The following SHISA9 variants were observed in gnomAD, a reference collection of about 807,000 sequenced individuals.
SHISA9 encodes shisa family member 9.
SHISA9 carries 13 observed loss-of-function variants against 38.0 expected under a neutral mutation model. The ratio of observed to expected loss-of-function variants is 0.34; its 90% CI spans 0.22 to 0.54. The LOEUF (loss-of-function observed/expected upper bound fraction) is 0.54. Ranked by LOEUF, SHISA9 falls within the 20% of genes least tolerant of loss-of-function variation. The pLI is 0.91. For missense variants in SHISA9, 538 were observed against 575.8 expected, an observed-to-expected ratio of 0.93 and a Z score of 0.67; for synonymous variants, 275 against 242.0, an observed-to-expected ratio of 1.14 and a Z score of -1.27.
intron 2 of SHISA9, among the ~76,000 whole-genome samples, chr16:12,975,890 T>C (rs1233531050): frequency 6.6e-6 from 1 of 152,086 alleles, no homozygotes; most frequent in Non-Finnish European, 1.5e-5. Flanking sequence ...TTTTTTTTTT[T>C]TGCCAGTGAA....
chr16:13,202,593 A>G (rs1374683756), intron 2 of SHISA9, among the ~76,000 whole-genome samples: 1 of 80,756 alleles, frequency 1.2e-5, no homozygotes, highest in African/African-American at 5.6e-5. Context: ...TTAACAATAT[A>G]AACCATAAGA....
At chr16:13,145,279 CT>C (rs2050437257) in intron 2 of SHISA9, among the ~76,000 whole-genome samples, 1 of 152,190 alleles carries the variant, frequency 6.6e-6, no homozygotes, top group Non-Finnish European at 1.5e-5. Context: ...AATCCTAGCA[CT>C]TTGGGAGGCC....
At chr16:12,931,940 G>T (rs1399201215) in intron 2 of SHISA9, among the ~76,000 whole-genome samples, 1 of 152,206 alleles carries the variant, frequency 6.6e-6, no homozygotes, top group African/African-American at 2.4e-5. Flanking sequence ...TCATGGGAGA[G>T]ACCTGGTGGG....
At chr16:12,908,222 C>T (rs2071129843) in intron 1 of SHISA9, among the ~76,000 whole-genome samples, 1 of 152,206 alleles carries the variant, frequency 6.6e-6, no homozygotes, top group Admixed American at 6.5e-5. Flanking sequence ...ATCTCGGTTA[C>T]TAACCCTTGC....
intron 2 of SHISA9, among the ~76,000 whole-genome samples, chr16:12,972,310 A>G (rs2072095455): frequency 6.6e-6 from 1 of 152,200 alleles, no homozygotes; most frequent in African/African-American, 2.4e-5. Context: ...ATTCCAGCCA[A>G]GAAGCACCAC....
the SHISA9 span, among the ~76,000 whole-genome samples, chr16:13,247,710 T>A: frequency 6.6e-6 from 1 of 152,232 alleles, no homozygotes; most frequent in African/African-American, 2.4e-5. Flanking sequence ...AAAGAAAGCA[T>A]TTCCCATCAA....
chr16:13,229,935 T>G (rs1011654928), intron 4 of SHISA9, among the ~76,000 whole-genome samples: 3 of 152,168 alleles, frequency 2.0e-5, no homozygotes, highest in African/African-American at 7.2e-5. Flanking sequence ...GGGGACCTCA[T>G]TATAAGTACT....
intron 2 of SHISA9, among the ~76,000 whole-genome samples, chr16:12,966,792 A>T (rs957828465): frequency 6.6e-6 from 1 of 152,218 alleles, no homozygotes; most frequent in East Asian, 1.9e-4. Flanking sequence ...GCCTTGGAGG[A>T]AGATGTTCAG....
chr16:12,916,630 T>G (rs1464980769), intron 1 of SHISA9, 58 bp from the exon 2 acceptor site: 3 of 1,528,806 alleles, frequency 2.0e-6, no homozygotes, highest in Non-Finnish European at 1.8e-6. Flanking sequence ...ACTCGGCGCA[T>G]AGCAGCTGCC....
intron 2 of SHISA9, among the ~76,000 whole-genome samples, chr16:13,174,874 A>G (rs928430844): frequency 6.6e-6 from 1 of 152,184 alleles, no homozygotes; most frequent in East Asian, 1.9e-4. Context: ...ATGTGGGGAA[A>G]GGGTCCCTTA....
chr16:13,555,930 C>A, the SHISA9 span, among the ~76,000 whole-genome samples: 1 of 152,210 alleles, frequency 6.6e-6, no homozygotes, highest in Non-Finnish European at 1.5e-5. Context: ...TCAGATCTTA[C>A]TCTATATGCT....
the SHISA9 span, among the ~76,000 whole-genome samples, chr16:13,402,672 C>T: frequency 1.6e-4 from 25 of 152,084 alleles, no homozygotes; most frequent in Non-Finnish European, 2.5e-4. Flanking sequence ...CCGCCACGCC[C>T]GGCTATTTTT....
At chr16:12,956,213 T>TA (rs34560193) in intron 2 of SHISA9, among the ~76,000 whole-genome samples, 110,129 of 151,682 alleles carry the variant, frequency 0.73, 40,298 homozygotes, top group Middle Eastern at 0.78. Context: ...TGGCTATTAC[T>TA]AAAAATCAGA....
the SHISA9 span, among the ~76,000 whole-genome samples, chr16:13,301,522 A>G: frequency 1.8e-4 from 28 of 152,354 alleles, no homozygotes; most frequent in African/African-American, 5.8e-4. Context: ...TTGGTGATGC[A>G]CAGGTGAAGA....
At chr16:13,111,247 G>C (rs1001707780) in intron 2 of SHISA9, among the ~76,000 whole-genome samples, 1 of 151,666 alleles carries the variant, frequency 6.6e-6, no homozygotes, top group African/African-American at 2.4e-5. Flanking sequence ...TATCATCAGA[G>C]TGAACAGGCA....
the SHISA9 span, among the ~76,000 whole-genome samples, chr16:13,468,844 C>CT: frequency 6.6e-6 from 1 of 151,640 alleles, no homozygotes; most frequent in Non-Finnish European, 1.5e-5. Context: ...TATATGTATT[C>CT]TTTTTTGTTT....
chr16:12,928,191 CT>C (rs1261325986), intron 2 of SHISA9, among the ~76,000 whole-genome samples: 1 of 150,480 alleles, frequency 6.6e-6, no homozygotes, highest in Non-Finnish European at 1.5e-5. Context: ...TTTTTTGCCC[CT>C]AATCAGTTGG....
chr16:12,937,599 G>C (rs189808902), intron 2 of SHISA9, among the ~76,000 whole-genome samples: 2 of 152,318 alleles, frequency 1.3e-5, no homozygotes, highest in Admixed American at 1.3e-4. Context: ...GTTTTGGAGA[G>C]GGCTCCCTTC....
chr16:12,978,434 C>T (rs1311304310), intron 2 of SHISA9, among the ~76,000 whole-genome samples: 1 of 152,174 alleles, frequency 6.6e-6, no homozygotes, highest in Non-Finnish European at 1.5e-5. Context: ...TTGAAGCATG[C>T]AGAATGTAAT....
Sources: gnomAD v4.1 joint callset for allele counts (sites outside exome capture counted in the v4.1 genomes callset) on GRCh38, gnomAD v4.1.1 for gene constraint, MANE v1.5 for transcripts, NCBI Gene and HGNC (gene_info 2026-07-23, HGNC 2026-07-21) for gene names.